GUCD1: variants seen among roughly 807,000 people sequenced by gnomAD.
GUCD1 encodes the protein guanylyl cyclase domain containing 1, also known as protein GUCD1.
Under a neutral mutation model 28.3 loss-of-function variants are expected in GUCD1, and 17 were observed. The observed-to-expected ratio is 0.60, with a 90% CI of 0.41 to 0.90. The LOEUF is 0.90. Ranked by LOEUF, GUCD1 falls within the 40% of genes least tolerant of loss-of-function variation. GUCD1 has a pLI of 0.00. For synonymous variants in GUCD1, 129 were observed against 123.3 expected, an observed-to-expected ratio of 1.05 and a Z score of -0.30; for missense variants, 279 against 305.5, an observed-to-expected ratio of 0.91 and a Z score of 0.65.
chr22:24,546,620 T>C (rs1247966241), intron 4 of GUCD1, among the ~76,000 whole-genome samples: 1 of 152,232 alleles, frequency 6.6e-6, no homozygotes, highest in Non-Finnish European at 1.5e-5. Flanking sequence ...TTCTGTCCCA[T>C]GCTGTCTTTC....
upstream of GUCD1, chr22:24,555,696 G>C: frequency 6.4e-7 from 1 of 1,550,656 alleles, no homozygotes; most frequent in South Asian, 1.2e-5. Flanking sequence ...CCCGGTCTGA[G>C]GGCCCAAGCC....
At position 24,547,921 on chromosome 22, in the gene GUCD1, C is replaced by A; in HGVS notation, c.281G>T (p.Gly94Val). The A allele has an allele frequency of 6.2e-7, 1 of 1,614,126 alleles. No homozygotes were observed. Among genetic ancestry groups the A allele is most frequent in the Non-Finnish European group, 8.5e-7 (1 of 1,180,004 alleles). ...FCTQTLGVDK[G>V]YKNQSFYRKH... ...CTGGTCGCTCACCTGGTTCTTGTAG[C>A]CCTTGTCGACACCCAGGGTCTGGGT... Residue 94 changes from glycine (G) to valine (V), a missense_variant, in exon 3 of 6, where the codon GGC (glycine) becomes GTC (valine). By Grantham distance (109) the Gly-to-Val change is moderately radical. Coordinates refer to ENST00000435822, the MANE Select transcript of GUCD1 (RefSeq NM_001284254.2).
In GUCD1 at chr22:24,541,922, T is replaced by G. The variant is rs145957430; in HGVS notation, c.*1084A>C. The G allele has an allele frequency of 1.3e-5, 2 of 152,320 alleles. No homozygotes were observed. The highest frequency in any genetic ancestry group is 2.9e-5 in the Non-Finnish European group (2 of 68,042). 9.4% of individuals were successfully genotyped at this position (152,320 alleles called of 1,614,324 possible). On this transcript the variant is annotated 3_prime_UTR_variant, in exon 6 of 6. Transcript: ENST00000435822. ...TGATTACCCCTCAAAAATGAAAACT[T>G]AAATCTCAAAGAAACAACCCCTGAC...
Position 24,546,921 on chromosome 22 carries a change from CCACCAG to C in GUCD1, c.373_378del (p.Leu125_Val126del). The C allele has an allele frequency of 6.2e-7, 1 of 1,613,894 alleles. No individual in the cohort carries two copies. The highest frequency in any genetic ancestry group is 8.5e-7 in the Non-Finnish European group (1 of 1,179,902). On this transcript the variant is annotated inframe_deletion, in exon 4 of 6. Coordinates refer to ENST00000435822, the MANE Select transcript of GUCD1 (RefSeq NM_001284254.2). ...GAAAGTTGGGGGGCTCACCATTTCT[CCACCAG>C]CACCTTGCAGGCCTTTGCTTGTGCA...
rs1215818906 is a variant in GUCD1, at chr22:24,549,014, AGAGG to A, written c.44-17_44-14del. On this transcript the variant is annotated splice_polypyrimidine_tract_variant and intron_variant, in intron 1 of 5. Transcript: ENST00000435822. ...TGCACAAAGTCCCCTGTGCAGAAAC[AGAGG>A]GAGGTCACAGACCCTCAGCGCAGAG... 4 of 1,557,842 alleles carry A rather than the reference AGAGG, an allele frequency of 2.6e-6. No individual in the cohort carries two copies. In the Admixed American group the frequency reaches 5.8e-5, roughly 23 times the overall value.
intron 1 of GUCD1, among the ~76,000 whole-genome samples, chr22:24,550,396 T>C (rs1429535903): frequency 5.9e-5 from 9 of 152,166 alleles, no homozygotes. Flanking sequence ...GGGAACAGCA[T>C]GTGCTAAGGC....
rs139988639 is a variant in GUCD1 at position 24,549,901 on chromosome 22, G to A, written c.44-900C>T. ...CAGCAGATAATGTATCTGAGTTCAT[G>A]AGGCCCCTGGAGGTTTGCTTGACTC... is the stretch of plus-strand genomic sequence containing the variant. On this transcript the variant is annotated intron_variant, in intron 1 of 5. Transcript: ENST00000435822. Among the ~76,000 whole-genome samples, 286 of 152,298 alleles carry A rather than the reference G, an allele frequency of 1.9e-3. 1 individual carries two copies. Among genetic ancestry groups the A allele is most frequent in the African/African-American group, 6.5e-3 (270 of 41,560 alleles).
chr22:24,555,326 G>GCCCACCAGGACGCGGGCC, upstream of GUCD1: 1 of 1,395,878 alleles, frequency 7.2e-7, no homozygotes, highest in Non-Finnish European at 9.3e-7. Flanking sequence ...CAGACGCGCA[G>GCCCACCAGGACGCGGGCC]CTCACCAGGA....
intron 4 of GUCD1, among the ~76,000 whole-genome samples, chr22:24,545,610 CTT>C (rs568025114): frequency 6.8e-6 from 1 of 147,938 alleles, no homozygotes; most frequent in Non-Finnish European, 1.5e-5. Flanking sequence ...CCACTATATT[CTT>C]TTTTTTTTTG....
At chr22:24,549,436 A>ACC (rs1195083065) in intron 1 of GUCD1, among the ~76,000 whole-genome samples, 5 of 151,896 alleles carry the variant, frequency 3.3e-5, no homozygotes, top group African/African-American at 1.2e-4. Context: ...AGGCCCAGTG[A>ACC]CCCACATGTG....
chr22:24,543,026 A>AG lies in GUCD1; in HGVS notation c.699dup (p.Phe234LeufsTer15). On this transcript the variant is annotated frameshift_variant, in exon 6 of 6. Coordinates refer to ENST00000435822, the MANE Select transcript of GUCD1 (RefSeq NM_001284254.2). LOFTEE classifies it high-confidence loss of function. ...TGCTGTCAGCTGTCCAAGTAGACAA[A>AG]GAGGATGTCCTCATCTGTGCCATAG... 1 of 1,613,638 alleles carries AG rather than the reference A, an allele frequency of 6.2e-7. No individual in the cohort carries two copies. Among genetic ancestry groups the AG allele is most frequent in the Non-Finnish European group, 8.5e-7 (1 of 1,179,564 alleles).
chr22:24,548,175 C>G, intron 2 of GUCD1, 102 bp from the exon 3 acceptor site: 1 of 941,998 alleles, frequency 1.1e-6, no homozygotes, highest in Non-Finnish European at 1.6e-6. Flanking sequence ...AGGTCCCATT[C>G]CCCAGAAGTC....
intron 1 of GUCD1, among the ~76,000 whole-genome samples, chr22:24,553,156 T>A (rs1363983636): frequency 6.6e-6 from 1 of 152,218 alleles, no homozygotes; most frequent in Non-Finnish European, 1.5e-5. Context: ...ACACACTGCC[T>A]TTTTGTTTTT....
At chr22:24,555,664 C>T (rs770429268), upstream of GUCD1, 42 of 1,550,536 alleles carry the variant, frequency 2.7e-5, no homozygotes, top group Non-Finnish European at 1.7e-5. Context: ...AGTCCTGGCC[C>T]TTGGCCCAAC....
chr22:24,549,057 C>T (rs934069409), intron 1 of GUCD1, 56 bp from the exon 2 acceptor site: 2 of 1,248,226 alleles, frequency 1.6e-6, no homozygotes, highest in Non-Finnish European at 2.3e-6. Flanking sequence ...ACCACTCCCA[C>T]CCTCATGGGA....
In GUCD1 at chr22:24,543,984, G is replaced by A; in HGVS notation, c.486C>T (p.Ser162=). 1 of 1,614,040 alleles carries A rather than the reference G, an allele frequency of 6.2e-7. No individual in the cohort carries two copies. Among genetic ancestry groups the A allele is most frequent in the Non-Finnish European group, 8.5e-7 (1 of 1,179,978 alleles). The change falls in exon 5 of 6, where the codon AGC becomes AGT. Residue 162 remains serine, a synonymous_variant. Coordinates refer to ENST00000435822, the MANE Select transcript of GUCD1 (RefSeq NM_001284254.2). ...GGGTGAAGCAGCAGTACTTGACAGG[G>A]CTGGAGCACAGGTCACAGTGCAGCA... ...SGVLHCDLCS[S]PVKYCCFTPS...
chr22:24,544,077 C>A lies in GUCD1; in HGVS notation c.393G>T (p.Val131=). 6.2e-7 allele frequency: 1 copy of A among 1,609,908 alleles called. No individual in the cohort carries two copies. Among genetic ancestry groups the A allele is most frequent in the South Asian group, 1.1e-5 (1 of 91,046 alleles). The change falls in exon 5 of 6, where the codon GTG becomes GTT. Residue 131 remains valine, a synonymous_variant. Transcript: ENST00000435822. The part of the protein sequence containing the change: ...ACKVLVEKCT[V]SVKDIQAHLA... ...GGTGCGCCTGGATGTCCTTCACACT[C>A]ACTGTGCTGTGGGCGGGAGGGGGGT...
At position 24,541,902 on chromosome 22, in the gene GUCD1, ACC is replaced by A. The variant is rs1486177868; in HGVS notation, c.*1102_*1103del. ...ATTACTGTTTTACTTGAAGGTGATT[ACC>A]CCTCAAAAATGAAAACTTAAATCTC... On this transcript the variant is annotated 3_prime_UTR_variant, in exon 6 of 6. Transcript: ENST00000435822. 6.6e-6 allele frequency: 1 copy of A among 152,174 alleles called. No homozygotes were observed. The highest frequency in any genetic ancestry group is 6.5e-5 in the Admixed American group (1 of 15,272). 9.4% of individuals were successfully genotyped at this position (152,174 alleles called of 1,614,324 possible).
At chr22:24,549,093 A>G (rs1309097792) in intron 1 of GUCD1, 92 bp from the exon 2 acceptor site, 3 of 853,934 alleles carry the variant, frequency 3.5e-6, no homozygotes, top group Non-Finnish European at 5.6e-6. Context: ...TCCTGCCTAG[A>G]CCCTGCAGGG....
Sources: allele counts gnomAD v4.1 joint callset (sites outside exome capture counted in the v4.1 genomes callset), GRCh38; gene constraint gnomAD v4.1.1; transcripts MANE v1.5; gene names NCBI Gene and HGNC (gene_info 2026-07-23, HGNC 2026-07-21).